CCNY: variants seen among roughly 807,000 people sequenced by gnomAD.
CCNY encodes the protein cyclin Y.
In CCNY, 19 loss-of-function variants were observed where a neutral mutation model predicts 42.8. The ratio of observed to expected loss-of-function variants is 0.44; its 90% CI spans 0.31 to 0.65. The LOEUF (loss-of-function observed/expected upper bound fraction) is 0.65, where lower values mean the gene tolerates loss of function less well. Ranked by LOEUF, CCNY falls within the 30% of genes least tolerant of loss-of-function variation. The pLI is 0.07. For missense variants in CCNY, 370 were observed against 437.3 expected (o/e 0.85, Z 1.37); for synonymous variants, 165 against 162.7 (o/e 1.01, Z -0.11).
intron 1 of CCNY, among the ~76,000 whole-genome samples, chr10:35,476,687 A>C (rs1318964029): frequency 2.0e-5 from 3 of 150,758 alleles, no homozygotes; most frequent in African/African-American, 7.3e-5. Context: ...AAAGCAGGAA[A>C]GATCCAAAAT....
chr10:35,312,250 G>A (rs558149065), intron 3 of CCNY, among the ~76,000 whole-genome samples: 1 of 151,538 alleles, frequency 6.6e-6, no homozygotes, highest in East Asian at 2.0e-4. Flanking sequence ...GTGTGGTGGT[G>A]GGCACCTGTA....
intron 3 of CCNY, among the ~76,000 whole-genome samples, chr10:35,278,500 A>G (rs1029458855): frequency 2.0e-5 from 3 of 152,030 alleles, no homozygotes; most frequent in Non-Finnish European, 4.4e-5. Flanking sequence ...GCTTCCCAGG[A>G]CCACCTCAAT....
At chr10:35,247,349 T>G (rs1055486017) in intron 1 of CCNY, among the ~76,000 whole-genome samples, 1 of 152,166 alleles carries the variant, frequency 6.6e-6, no homozygotes, top group South Asian at 2.1e-4. Context: ...ATCCCAGCAC[T>G]TTGGGAGGCT....
intron 3 of CCNY, among the ~76,000 whole-genome samples, chr10:35,275,773 AAG>A (rs939273880): frequency 4.6e-5 from 7 of 152,114 alleles, no homozygotes; most frequent in African/African-American, 1.7e-4. Context: ...AAAAAAAAAA[AAG>A]AGTGTGTCCA....
intron 3 of CCNY, among the ~76,000 whole-genome samples, chr10:35,513,479 A>G (rs1258872920): frequency 6.6e-6 from 1 of 152,206 alleles, no homozygotes; most frequent in East Asian, 1.9e-4. Flanking sequence ...GGCATAAAGA[A>G]CATCCCTGTT....
At position 35,530,282 on chromosome 10, in the gene CCNY, A is replaced by G; in HGVS notation, c.579+39A>G. On this transcript the variant is annotated intron_variant, in intron 7 of 9. Transcript: ENST00000374704. The surrounding 1 kb of genome is among the most constrained non-coding windows in gnomAD (Gnocchi z 4.3). ...GGATGGCCACACCCATCCCCAGCCGAGGTGGTCCAGGGCCCGTTCCTGTTA... is the reference window on the plus strand; with the variant it reads ...GGATGGCCACACCCATCCCCAGCCGGGGTGGTCCAGGGCCCGTTCCTGTTA... 1 of 1,612,810 alleles carries G rather than the reference A, an allele frequency of 6.2e-7. No homozygotes were observed. The highest frequency in any genetic ancestry group is 2.2e-5 in the East Asian group (1 of 44,858).
At chr10:35,500,934 G>A (rs1312739670) in intron 2 of CCNY, among the ~76,000 whole-genome samples, 1 of 152,162 alleles carries the variant, frequency 6.6e-6, no homozygotes, top group African/African-American at 2.4e-5. Context: ...TATGGGGTTG[G>A]GGTTGGGTGC....
rs142421539 is a variant in CCNY at position 35,308,773 on chromosome 10, C to T, written c.-9+58147C>T. Among the ~76,000 whole-genome samples, 7 of 152,188 alleles carry T rather than the reference C, an allele frequency of 4.6e-5. No individual in the cohort carries two copies. The South Asian group carries it at 1.0e-3, about 23-fold the overall frequency. Reference sequence around the variant, plus strand: ...CAGACAAAAGGAAGTAGCAGCCATGCGGATGTGACCTGGTGAGGGCTCAGA... The same window carrying T: ...CAGACAAAAGGAAGTAGCAGCCATGTGGATGTGACCTGGTGAGGGCTCAGA... On this transcript the variant is annotated intron_variant, in intron 3 of 11. Transcript: ENST00000374706.
chr10:35,381,232 T>G lies in CCNY; in HGVS notation c.154+44025T>G, dbSNP rs1589076916. Among the ~76,000 whole-genome samples, 3 of 152,308 alleles carry G rather than the reference T, an allele frequency of 2.0e-5. No individual in the cohort carries two copies. In the East Asian group the frequency reaches 5.8e-4, roughly 29 times the overall value. ...GAGTTTTAATAATAGATACGTAAGC[T>G]TCAAGTGAGTACTTCTTGAGTACTT... On this transcript the variant is annotated intron_variant, in intron 1 of 9. Coordinates refer to ENST00000374704, the MANE Select transcript of CCNY (RefSeq NM_145012.6).
At chr10:35,294,788 T>C (rs1008451496) in intron 3 of CCNY, among the ~76,000 whole-genome samples, 4 of 152,242 alleles carry the variant, frequency 2.6e-5, no homozygotes, top group African/African-American at 7.2e-5. Flanking sequence ...TATACCCTTT[T>C]ATTTTTGGAA....
intron 7 of CCNY, among the ~76,000 whole-genome samples, chr10:35,552,664 CA>C (rs1031123713): frequency 1.3e-5 from 2 of 150,868 alleles, no homozygotes; most frequent in Non-Finnish European, 3.0e-5. Context: ...ACCCTACAAA[CA>C]AAAAAAAAGT....
chr10:35,463,864 A>G (rs1409425984), intron 1 of CCNY, among the ~76,000 whole-genome samples: 1 of 152,212 alleles, frequency 6.6e-6, no homozygotes, highest in Non-Finnish European at 1.5e-5. Flanking sequence ...AGTTTATGAC[A>G]TTGACCTACT....
intron 1 of CCNY, among the ~76,000 whole-genome samples, chr10:35,380,570 T>G (rs1837160556): frequency 6.6e-6 from 1 of 152,216 alleles, no homozygotes; most frequent in Non-Finnish European, 1.5e-5. Context: ...CACCCAGATT[T>G]AGTAATTTTA....
intron 2 of CCNY, among the ~76,000 whole-genome samples, chr10:35,489,337 G>C (rs1589154966): frequency 1.3e-5 from 2 of 152,120 alleles, no homozygotes; most frequent in South Asian, 4.1e-4. Context: ...GTCTCGCTCT[G>C]TCGCTGAGGC....
At chr10:35,373,145 C>CT (rs1318162922) in intron 1 of CCNY, among the ~76,000 whole-genome samples, 1 of 152,192 alleles carries the variant, frequency 6.6e-6, no homozygotes, top group Non-Finnish European at 1.5e-5. Flanking sequence ...GTCAGGCAGT[C>CT]TTGAGTTTGA....
At chr10:35,517,583 T>C (rs905469485) in intron 4 of CCNY, among the ~76,000 whole-genome samples, 7 of 152,242 alleles carry the variant, frequency 4.6e-5, no homozygotes, top group African/African-American at 1.7e-4. Flanking sequence ...GTGAGGACTA[T>C]AGCCATCTGT....
intron 1 of CCNY, among the ~76,000 whole-genome samples, chr10:35,362,526 C>T (rs1057069747): frequency 6.6e-6 from 1 of 151,728 alleles, no homozygotes; most frequent in African/African-American, 2.4e-5. Flanking sequence ...CCACTTGCAG[C>T]CTAAGAGGTC....
At chr10:35,331,395 C>T (rs1168399472) in intron 3 of CCNY, among the ~76,000 whole-genome samples, 2 of 152,190 alleles carry the variant, frequency 1.3e-5, no homozygotes, top group Non-Finnish European at 2.9e-5. Context: ...GCCTGGGCTT[C>T]CTAAGGCCAT....
upstream of CCNY, among the ~76,000 whole-genome samples, chr10:35,335,084 A>T: frequency 1.1e-5 from 1 of 92,126 alleles, no homozygotes; most frequent in Non-Finnish European, 2.1e-5. Context: ...ACCCCACAAG[A>T]CTCTCCTCAA....
Sources: allele counts gnomAD v4.1 joint callset (sites outside exome capture counted in the v4.1 genomes callset), GRCh38; gene constraint gnomAD v4.1.1; non-coding constraint Gnocchi (gnomAD v3.1); transcripts MANE v1.5; gene names NCBI Gene and HGNC (gene_info 2026-07-23, HGNC 2026-07-21).